Variants in PLEKHA7 observed in about 807,000 individuals in gnomAD.
The protein encoded by PLEKHA7 is pleckstrin homology domain containing A7, also known as pleckstrin homology domain-containing family A member 7.
In PLEKHA7, 104 loss-of-function variants were observed where a neutral mutation model predicts 170.0. That is an observed-to-expected ratio of 0.61 (90% CI 0.52 to 0.72). The LOEUF (loss-of-function observed/expected upper bound fraction) is 0.72. Among genes scored for constraint, PLEKHA7 ranks in the 30% least tolerant of loss-of-function variants. PLEKHA7 has a pLI of 0.00. For synonymous variants in PLEKHA7, 648 were observed against 660.8 expected (o/e 0.98, Z 0.30); for missense variants, 1,615 against 1,671.7 (o/e 0.97, Z 0.59).
chr11:16,986,929 G>A (rs1863761697), intron 3 of PLEKHA7, among the ~76,000 whole-genome samples: 3 of 152,224 alleles, frequency 2.0e-5, no homozygotes, highest in African/African-American at 2.4e-5. Context: ...GGTGGTCCAA[G>A]CAGGTACTGC....
chr11:16,843,117 T>C (rs368442252), intron 8 of PLEKHA7, among the ~76,000 whole-genome samples: 14 of 152,362 alleles, frequency 9.2e-5, no homozygotes, highest in South Asian at 8.3e-4. Flanking sequence ...TAGCACATAG[T>C]AGATGCTCAA....
chr11:17,004,906 C>T (rs1302624028), intron 3 of PLEKHA7, among the ~76,000 whole-genome samples: 1 of 152,172 alleles, frequency 6.6e-6, no homozygotes, highest in African/African-American at 2.4e-5. Flanking sequence ...CATATTCCTC[C>T]GTGTTTTTCC....
chr11:16,931,765 C>T lies in PLEKHA7; in HGVS notation c.222-60583G>A, dbSNP rs61679669. 3.0e-4 allele frequency among the ~76,000 whole-genome samples: 42 copies of T among 140,956 alleles called. 1 individual carries two copies. The South Asian group carries it at 5.5e-3, about 19-fold the overall frequency. The allele number at this position is 140,956 out of a possible 152,430, so 92.5% of individuals were successfully genotyped here. ...GTGAATGAGATTCCATCCCCCCCCC[C>T]CCAAAAAAAAAAAAGGGAAGAAGAA... is the stretch of plus-strand genomic sequence containing the variant. On this transcript the variant is annotated intron_variant, in intron 3 of 26. Transcript: ENST00000531066.
At position 16,789,808 on chromosome 11, in the gene PLEKHA7, A is replaced by G; in HGVS notation, c.3123T>C (p.Gly1041=). 9 of 1,613,800 alleles carry G rather than the reference A, an allele frequency of 5.6e-6. No individual in the cohort carries two copies. Among genetic ancestry groups the G allele is most frequent in the South Asian group, 1.1e-5 (1 of 91,048 alleles). The change falls in exon 22 of 27, where the codon GGT becomes GGC. Residue 1041 remains glycine, a synonymous_variant. Coordinates refer to ENST00000531066, the MANE Select transcript of PLEKHA7 (RefSeq NM_001329630.2). This position sits in a 1 kb window ranked among gnomAD's most constrained non-coding sequence, Gnocchi z 4.6. The stretch of plus-strand genomic sequence containing the variant: ...TCGCCTTGCTGCTTTCGGCATTGAG[A>G]CCCCTCCGGAGTGTGACGTAGGGAG... The part of the protein sequence containing the change: ...TIAPYVTLRR[G]LNAESSKATF...
At chr11:16,902,289 A>G (rs749063544) in intron 3 of PLEKHA7, among the ~76,000 whole-genome samples, 2 of 152,216 alleles carry the variant, frequency 1.3e-5, no homozygotes, top group Non-Finnish European at 2.9e-5. Context: ...ATTATGAATC[A>G]TGTAGCTATG....
chr11:16,799,983 A>G (rs1209443253), intron 17 of PLEKHA7, among the ~76,000 whole-genome samples: 1 of 152,204 alleles, frequency 6.6e-6, no homozygotes, highest in African/African-American at 2.4e-5. Flanking sequence ...ATTTCCTTCA[A>G]CTTTCTGGGG....
chr11:16,783,129 G>A (rs1479282689), intron 25 of PLEKHA7, among the ~76,000 whole-genome samples: 4 of 152,214 alleles, frequency 2.6e-5, no homozygotes, highest in African/African-American at 9.7e-5. Context: ...CTAGCTGGAG[G>A]CTCTTATTAA....
intron 13 of PLEKHA7, among the ~76,000 whole-genome samples, chr11:16,805,430 TC>T (rs1452354539): frequency 6.6e-6 from 1 of 152,130 alleles, no homozygotes; most frequent in Non-Finnish European, 1.5e-5. Flanking sequence ...ACCTTTTTTT[TC>T]TCTCTCTCAG....
chr11:17,012,032 C>A (rs1865349194), intron 3 of PLEKHA7, among the ~76,000 whole-genome samples: 1 of 152,172 alleles, frequency 6.6e-6, no homozygotes, highest in Non-Finnish European at 1.5e-5. Flanking sequence ...ACCACTACTC[C>A]CTGTCTACTG....
At chr11:16,805,577 G>A (rs1438173614) in intron 13 of PLEKHA7, among the ~76,000 whole-genome samples, 4 of 151,872 alleles carry the variant, frequency 2.6e-5, no homozygotes, top group African/African-American at 7.3e-5. Context: ...GAATTATGAG[G>A]TCAGGAGTTC....
At chr11:16,979,823 T>C (rs959914154) in intron 3 of PLEKHA7, among the ~76,000 whole-genome samples, 1 of 152,182 alleles carries the variant, frequency 6.6e-6, no homozygotes, top group African/African-American at 2.4e-5. Flanking sequence ...CTCATTTGGC[T>C]ATCTAGTGAC....
intron 15 of PLEKHA7, among the ~76,000 whole-genome samples, chr11:16,802,188 C>T (rs1268326059): frequency 2.0e-5 from 3 of 152,172 alleles, no homozygotes; most frequent in African/African-American, 2.4e-5. Context: ...TCCAGCATCA[C>T]GAATTTAAAA....
chr11:16,839,594 C>T (rs576722068), intron 9 of PLEKHA7, among the ~76,000 whole-genome samples: 2 of 151,948 alleles, frequency 1.3e-5, no homozygotes, highest in Non-Finnish European at 2.9e-5. Flanking sequence ...ATGGTTTTGT[C>T]TGTACTGAAC....
intron 26 of PLEKHA7, among the ~76,000 whole-genome samples, chr11:16,779,471 A>C (rs1165805596): frequency 6.6e-6 from 1 of 152,222 alleles, no homozygotes; most frequent in Non-Finnish European, 1.5e-5. Flanking sequence ...GGGGGCACCA[A>C]AACCCAGGAG....
At chr11:16,861,390 G>A (rs185886690) in intron 4 of PLEKHA7, among the ~76,000 whole-genome samples, 11 of 151,114 alleles carry the variant, frequency 7.3e-5, no homozygotes, top group South Asian at 4.2e-4. Flanking sequence ...TCAGCTAGGC[G>A]CAGTGGCTTA....
chr11:17,000,184 T>G (rs1423009832), intron 3 of PLEKHA7, among the ~76,000 whole-genome samples: 1 of 152,178 alleles, frequency 6.6e-6, no homozygotes, highest in African/African-American at 2.4e-5. Context: ...CCCAGGTTCA[T>G]GCAATTCTCG....
intron 3 of PLEKHA7, among the ~76,000 whole-genome samples, chr11:16,936,004 T>C (rs962361504): frequency 2.0e-5 from 3 of 152,182 alleles, no homozygotes; most frequent in Non-Finnish European, 4.4e-5. Flanking sequence ...AGACTGACAA[T>C]CTATGCAGCA....
intron 9 of PLEKHA7, among the ~76,000 whole-genome samples, chr11:16,835,970 T>C (rs1036657229): frequency 8.5e-5 from 13 of 152,216 alleles, no homozygotes; most frequent in African/African-American, 3.1e-4. Flanking sequence ...CCTCGCGGCC[T>C]GGATAGGGCT....
intron 3 of PLEKHA7, among the ~76,000 whole-genome samples, chr11:16,951,218 A>G (rs1861385173): frequency 6.6e-6 from 1 of 152,194 alleles, no homozygotes; most frequent in Admixed American, 6.5e-5. Context: ...GAATACTGGT[A>G]TAGGAACCCA....
Sources: allele counts gnomAD v4.1 joint callset (sites outside exome capture counted in the v4.1 genomes callset), GRCh38; gene constraint gnomAD v4.1.1; non-coding constraint Gnocchi (gnomAD v3.1); transcripts MANE v1.5; gene names NCBI Gene and HGNC (gene_info 2026-07-23, HGNC 2026-07-21).